The following REEP6 variants were observed in gnomAD, a reference collection of about 807,000 sequenced individuals.
REEP6 encodes receptor accessory protein 6.
In REEP6, 19 loss-of-function variants were observed where a neutral mutation model predicts 22.4. The ratio of observed to expected loss-of-function variants is 0.85; its 90% CI spans 0.59 to 1.25. REEP6 has a LOEUF of 1.25. Ranked by LOEUF, REEP6 falls within the 50% of genes most tolerant of loss-of-function variation. The pLI is 0.00. For missense variants in REEP6, 273 were observed against 251.9 expected, an observed-to-expected ratio of 1.08 and a Z score of -0.57; for synonymous variants, 121 against 113.6, an observed-to-expected ratio of 1.06 and a Z score of -0.41.
At chr19:1,496,156 A>T in intron 3 of REEP6, 129 bp from the exon 4 acceptor site, 2 of 1,157,776 alleles carry the variant, frequency 1.7e-6, no homozygotes, top group Non-Finnish European at 2.4e-6. Flanking sequence ...GGCCCACCCT[A>T]AAGGGTGTCT....
Position 1,493,322 on chromosome 19 carries a change from C to T in REEP6, c.115+1938C>T, listed in dbSNP as rs555823334. 4.6e-5 allele frequency among the ~76,000 whole-genome samples: 7 copies of T among 152,264 alleles called. No individual in the cohort carries two copies. The East Asian group carries it at 9.6e-4, about 21-fold the overall frequency. Reference sequence around the variant, plus strand: ...AAATCCCACACCCCTGGGTAACATACGAAGAAACTCAGAGGGGACAGTGAC... The same window carrying T: ...AAATCCCACACCCCTGGGTAACATATGAAGAAACTCAGAGGGGACAGTGAC... On this transcript the variant is annotated intron_variant, in intron 1 of 4. Transcript: ENST00000233596.
chr19:1,495,739 G>A (rs1465889146), intron 3 of REEP6, 132 bp downstream of exon 3: 1 of 1,293,466 alleles, frequency 7.7e-7, no homozygotes, highest in Non-Finnish European at 1.1e-6. Flanking sequence ...TCCCTTCCCT[G>A]GGGAAACGAG....
At chr19:1,494,102 G>A (rs2084986709) in intron 1 of REEP6, among the ~76,000 whole-genome samples, 1 of 152,128 alleles carries the variant, frequency 6.6e-6, no homozygotes, top group Non-Finnish European at 1.5e-5. Flanking sequence ...TAAACGTGCA[G>A]AAAGGCGTTC....
chr19:1,496,715 T>C (rs1020965555), intron 4 of REEP6: 5 of 637,204 alleles, frequency 7.8e-6, no homozygotes, highest in Non-Finnish European at 1.5e-5. Context: ...TGTGTGTGTG[T>C]GTGCGCGCGC....
rs2085017045 is a variant in REEP6 at position 1,497,258 on chromosome 19, G to A, written c.*47G>A. 2.0e-6 allele frequency: 3 copies of A among 1,497,738 alleles called. No homozygotes were observed. Among genetic ancestry groups the A allele is most frequent in the African/African-American group, 1.4e-5 (1 of 72,390 alleles). The allele number at this position is 1,497,738 out of a possible 1,614,324, so 92.8% of individuals were successfully genotyped here. ...AGGACCTCCTGGCTGGTGAGGAGGGGGCCGCGCCAGGCTCCCAGGCCTCCA... is the reference window on the plus strand; with the variant it reads ...AGGACCTCCTGGCTGGTGAGGAGGGAGCCGCGCCAGGCTCCCAGGCCTCCA... On this transcript the variant is annotated 3_prime_UTR_variant, in exon 5 of 5. Transcript: ENST00000233596. The surrounding 1 kb of genome is among the most constrained non-coding windows in gnomAD (Gnocchi z 6.5).
chr19:1,495,800 G>T (rs1283902473), intron 3 of REEP6, 193 bp downstream of exon 3: 3 of 697,774 alleles, frequency 4.3e-6, no homozygotes, highest in Non-Finnish European at 7.0e-6. Flanking sequence ...GTGTCTGATG[G>T]TGGAGACCCA....
chr19:1,495,227 G>T, intron 1 of REEP6, 67 bp from the exon 2 acceptor site: 2 of 1,509,722 alleles, frequency 1.3e-6, no homozygotes, highest in Middle Eastern at 1.7e-4. Flanking sequence ...CTGAAAGGCG[G>T]CCTGGGTACC....
At chr19:1,495,906 C>T (rs2085002667) in intron 3 of REEP6, 2 of 555,994 alleles carry the variant, frequency 3.6e-6, no homozygotes, top group South Asian at 4.4e-5. Context: ...ATGGTGGAGA[C>T]CCAAGCCTGC....
At position 1,496,304 on chromosome 19, in the gene REEP6, G is replaced by T; in HGVS notation, c.368G>T (p.Cys123Phe). The stretch of plus-strand genomic sequence containing the variant: ...CTGCAGTGCGCCTTCCTGTTGTTCT[G>T]CATGGCTCCCAGGCCCTGGAACGGG... ...YVGKCAFLLF[C>F]MAPRPWNGAL... Residue 123 changes from cysteine to phenylalanine, a missense_variant, in exon 4 of 5, where the codon TGC (cysteine) becomes TTC (phenylalanine). Cys to Phe is a radical substitution (Grantham distance 205, BLOSUM62 -2). Coordinates refer to ENST00000233596, the MANE Select transcript of REEP6 (RefSeq NM_138393.4). 1.2e-6 allele frequency: 2 copies of T among 1,610,144 alleles called. No homozygotes were observed.
At position 1,491,404 on chromosome 19, in the gene REEP6, C is replaced by G. The variant is rs1476816446; in HGVS notation, c.115+20C>G. On this transcript the variant is annotated intron_variant, in intron 1 of 4. Transcript: ENST00000233596. This position sits in a 1 kb window ranked among gnomAD's most constrained non-coding sequence, Gnocchi z 5.4. ...CTGCAGGTGAGCCGTCGGCGCTAGC[C>G]CGTTTCGCCGACGGGCACACCGAGG... 6.5e-6 allele frequency: 9 copies of G among 1,390,216 alleles called. No individual in the cohort carries two copies. Among genetic ancestry groups the G allele is most frequent in the Non-Finnish European group, 8.4e-6 (9 of 1,066,280 alleles). The allele number at this position is 1,390,216 out of a possible 1,614,324, so 86.1% of individuals were successfully genotyped here.
chr19:1,494,737 T>C (rs1233530828), intron 1 of REEP6, among the ~76,000 whole-genome samples: 1 of 151,078 alleles, frequency 6.6e-6, no homozygotes, highest in East Asian at 1.9e-4. Context: ...CAGGCTGGAG[T>C]GCAACGGCGC....
chr19:1,497,590 C>A lies in REEP6; in HGVS notation c.*379C>A. On this transcript the variant is annotated 3_prime_UTR_variant, in exon 5 of 5. Coordinates refer to ENST00000233596, the MANE Select transcript of REEP6 (RefSeq NM_138393.4). This position sits in a 1 kb window ranked among gnomAD's most constrained non-coding sequence, Gnocchi z 6.5. ...CCGTCCTCGGGGCCCCTGCAGCCAC[C>A]CAACGTCACCTCCAGCCCGGTCTCA... 3.7e-6 allele frequency: 2 copies of A among 541,492 alleles called. No homozygotes were observed. The highest frequency in any genetic ancestry group is 3.7e-6 in the Non-Finnish European group (1 of 272,554). 33.5% of individuals were successfully genotyped at this position (541,492 alleles called of 1,614,324 possible). A position where few individuals can be genotyped will look rare whatever the true frequency, so the allele number is the denominator to read the frequency against.
chr19:1,496,238 GCA>G (rs757111024), intron 3 of REEP6, 45 bp from the exon 4 acceptor site: 16 of 1,565,062 alleles, frequency 1.0e-5, no homozygotes, highest in African/African-American at 1.3e-5. Flanking sequence ...CCCACCAGGG[GCA>G]CAGAGCTGGG....
chr19:1,492,091 G>T (rs192519262), intron 1 of REEP6, among the ~76,000 whole-genome samples: 4 of 152,210 alleles, frequency 2.6e-5, no homozygotes, highest in Admixed American at 2.6e-4. Context: ...TGTAGTAAAC[G>T]CTCCTTAAAT....
intron 4 of REEP6, 193 bp downstream of exon 4, chr19:1,496,646 G>T: frequency 1.3e-6 from 1 of 768,292 alleles, no homozygotes; most frequent in Non-Finnish European, 2.3e-6. Flanking sequence ...CTGTGGCCGG[G>T]CCCTCCACTC....
At position 1,495,582 on chromosome 19, in the gene REEP6, G is replaced by A. The variant is rs781026167; in HGVS notation, c.323G>A (p.Trp108Ter). 1 of 1,614,086 alleles carries A rather than the reference G, an allele frequency of 6.2e-7. No homozygotes were observed. The highest frequency in any genetic ancestry group is 1.3e-5 in the African/African-American group (1 of 75,062). Residue 108 changes from tryptophan (W) to a stop codon, truncating the protein, a stop_gained, in exon 3 of 5, where the codon TGG (tryptophan) becomes TAG (stop). Coordinates refer to ENST00000233596, the MANE Select transcript of REEP6 (RefSeq NM_138393.4). LOFTEE classifies it high-confidence loss of function. ...TTCTTCAGCGATCTACTCCTGTCCT[G>A]GTTCCCTTTCTACTACGTGGGCAAG... The part of the protein sequence containing the change: ...AEFFSDLLLS[W>*]FPFYYVGKCA...
At position 1,491,302 on chromosome 19, in the gene REEP6, C is replaced by T; in HGVS notation, c.33C>T (p.Phe11=). Residue 11 remains phenylalanine, a synonymous_variant, in exon 1 of 5, where the codon TTC becomes TTT. Coordinates refer to ENST00000233596, the MANE Select transcript of REEP6 (RefSeq NM_138393.4). This position sits in a 1 kb window ranked among gnomAD's most constrained non-coding sequence, Gnocchi z 5.4. ...GCCTGAGGCAGCGCGTGGAGCACTTCCTGGAGCAAAGGAACCTGGTCACCG... is the reference window on the plus strand; with the variant it reads ...GCCTGAGGCAGCGCGTGGAGCACTTTCTGGAGCAAAGGAACCTGGTCACCG... MDGLRQRVEH[F]LEQRNLVTEV... is the part of the protein sequence containing the mutation. 1 of 1,475,846 alleles carries T rather than the reference C, an allele frequency of 6.8e-7. No homozygotes were observed. Among genetic ancestry groups the T allele is most frequent in the Non-Finnish European group, 9.0e-7 (1 of 1,114,944 alleles). The allele number at this position is 1,475,846 out of a possible 1,614,324, so 91.4% of individuals were successfully genotyped here.
rs530942593 is a variant in REEP6, at chr19:1,494,148, A to G, written c.116-1146A>G. ...CTTGTAACCATAGGAGGCAGGGGCC[A>G]TTACTACTCCCACTTACCAAGGGGG... On this transcript the variant is annotated intron_variant, in intron 1 of 4. Coordinates refer to ENST00000233596, the MANE Select transcript of REEP6 (RefSeq NM_138393.4). Among the ~76,000 whole-genome samples, 475 of 152,300 alleles carry G rather than the reference A, an allele frequency of 3.1e-3. 3 individuals are homozygous for G. Among genetic ancestry groups the G allele is most frequent in the Non-Finnish European group, 5.2e-3 (357 of 68,020 alleles).
At chr19:1,492,124 C>CT (rs1005652422) in intron 1 of REEP6, among the ~76,000 whole-genome samples, 32 of 152,146 alleles carry the variant, frequency 2.1e-4, no homozygotes, top group African/African-American at 5.8e-4. Context: ...ACCTTTAAAA[C>CT]TTTTTTTTGA....
Sources: gnomAD v4.1 joint callset for allele counts (sites outside exome capture counted in the v4.1 genomes callset) on GRCh38, gnomAD v4.1.1 for gene constraint, Gnocchi (gnomAD v3.1) non-coding constraint, MANE v1.5 for transcripts, NCBI Gene and HGNC (gene_info 2026-07-23, HGNC 2026-07-21) for gene names.